SEPTIN11: variants seen among roughly 807,000 people sequenced by gnomAD.
SEPTIN11 encodes the protein septin-11.
SEPTIN11 carries 25 observed loss-of-function variants against 51.4 expected under a neutral mutation model. The observed-to-expected ratio is 0.49, with a 90% CI of 0.35 to 0.68. SEPTIN11 has a LOEUF of 0.68. Among genes scored for constraint, SEPTIN11 ranks in the 30% least tolerant of loss-of-function variants. The probability of loss-of-function intolerance (pLI) is 0.00; values close to 1 mark genes in which losing one functional copy is unlikely to be tolerated. For missense variants in SEPTIN11, 381 were observed against 520.8 expected (o/e 0.73, Z 2.61); for synonymous variants, 174 against 184.1 (o/e 0.95, Z 0.44).
intron 1 of SEPTIN11, chr4:76,958,894 A>T: frequency 6.7e-7 from 1 of 1,490,838 alleles, no homozygotes; most frequent in Non-Finnish European, 9.3e-7. Flanking sequence ...GCTTTTCCTT[A>T]TTGGCCCCAG....
chr4:77,031,803 G>A (rs1578211572), intron 9 of SEPTIN11: 1 of 152,174 alleles, frequency 6.6e-6, no homozygotes, highest in East Asian at 1.9e-4. Context: ...GTGTCTCAAT[G>A]ACAAATATGC....
intron 1 of SEPTIN11, among the ~76,000 whole-genome samples, chr4:76,981,006 TA>T (rs1396885479): frequency 6.6e-6 from 1 of 152,246 alleles, no homozygotes; most frequent in African/African-American, 2.4e-5. Context: ...CCCATACTCT[TA>T]ATCTATCAAT....
Position 76,949,856 on chromosome 4 carries a change from G to T in SEPTIN11, c.-48G>T. On this transcript the variant is annotated 5_prime_UTR_variant, in exon 1 of 10. Transcript: ENST00000264893. The stretch of plus-strand genomic sequence containing the variant: ...AGCCCGAGCACTAGCAGCAGCCGGA[G>T]TCGGCGTAAAGCACCCGGGCGCAGC... The T allele has an allele frequency of 6.6e-7, 1 of 1,508,878 alleles. No individual in the cohort carries two copies. 93.5% of individuals were successfully genotyped at this position (1,508,878 alleles called of 1,614,324 possible).
rs1055560582 is a variant in SEPTIN11 at position 77,004,760 on chromosome 4, C to T, written c.143-841C>T. ...GGTGGACTATTTGAGGTCAGGAGTT[C>T]AAGACCAGCTCAGCCAACATGGTGA... On this transcript the variant is annotated intron_variant, in intron 2 of 9. Transcript: ENST00000264893. 3.3e-5 allele frequency among the ~76,000 whole-genome samples: 5 copies of T among 152,038 alleles called. 1 individual carries two copies. The highest frequency in any genetic ancestry group is 1.2e-4 in the African/African-American group (5 of 41,382).
intron 8 of SEPTIN11, among the ~76,000 whole-genome samples, chr4:77,029,263 C>T (rs912184295): frequency 6.6e-6 from 1 of 152,138 alleles, no homozygotes; most frequent in African/African-American, 2.4e-5. Flanking sequence ...TTAGTCCCCT[C>T]CCCTGGCCAG....
intron 1 of SEPTIN11, 102 bp from the exon 2 acceptor site, chr4:76,996,323 G>T: frequency 5.7e-6 from 5 of 879,196 alleles, no homozygotes; most frequent in Admixed American, 4.2e-5. Context: ...CTTTTTCCAT[G>T]TATGTCAAGG....
chr4:77,013,837 C>T (rs934336247), intron 4 of SEPTIN11, among the ~76,000 whole-genome samples: 5 of 152,284 alleles, frequency 3.3e-5, no homozygotes, highest in East Asian at 3.9e-4. Context: ...GCTTCCTTAC[C>T]GAGTCTGTTT....
At chr4:76,996,577 C>G (rs1723733387) in intron 2 of SEPTIN11, 38 bp downstream of exon 2, 2 of 1,382,650 alleles carry the variant, frequency 1.4e-6, no homozygotes, top group Non-Finnish European at 2.1e-6. Context: ...AAATTTGATC[C>G]TTAGATATTG....
Position 76,984,806 on chromosome 4 carries a change from G to A in SEPTIN11, c.28-11619G>A, listed in dbSNP as rs956941464. ...GACGTGATATGTCTTAAATGGAACT[G>A]GGTTGTTTGGGACCCACTGGACAGC... On this transcript the variant is annotated intron_variant, in intron 1 of 9. Transcript: ENST00000264893. This position sits in a 1 kb window ranked among gnomAD's most constrained non-coding sequence, Gnocchi z 4.1. 2.6e-5 allele frequency among the ~76,000 whole-genome samples: 4 copies of A among 152,288 alleles called. No homozygotes were observed. In the East Asian group the frequency reaches 7.7e-4, roughly 29 times the overall value.
intron 7 of SEPTIN11, chr4:77,021,007 C>T: frequency 4.6e-6 from 1 of 217,162 alleles, no homozygotes; most frequent in South Asian, 1.1e-4. Flanking sequence ...TGCCAGTTCT[C>T]TTGCAGAGGT....
chr4:76,953,223 G>A (rs1301868865), intron 1 of SEPTIN11, among the ~76,000 whole-genome samples: 2 of 152,176 alleles, frequency 1.3e-5, no homozygotes, highest in African/African-American at 2.4e-5. Context: ...CCTGCTATGT[G>A]TCAGGAACTT....
intron 3 of SEPTIN11, among the ~76,000 whole-genome samples, chr4:77,010,179 A>T (rs1354175112): frequency 6.6e-6 from 1 of 151,982 alleles, no homozygotes; most frequent in African/African-American, 2.4e-5. Flanking sequence ...TTTGTCTCTG[A>T]TTTACCTGTG....
intron 7 of SEPTIN11, among the ~76,000 whole-genome samples, chr4:77,025,755 T>C (rs1726085160): frequency 6.6e-6 from 1 of 152,162 alleles, no homozygotes; most frequent in Non-Finnish European, 1.5e-5. Context: ...TATGATTCCT[T>C]GGGGTAAGGT....
At chr4:77,016,869 T>A (rs1190186287) in intron 5 of SEPTIN11, among the ~76,000 whole-genome samples, 3 of 151,728 alleles carry the variant, frequency 2.0e-5, no homozygotes, top group Non-Finnish European at 4.4e-5. Flanking sequence ...TTAGATATTA[T>A]AAGTAATTTA....
At chr4:76,956,993 T>TGTGTGTGTGTGTGTGTGA (rs769320568) in intron 1 of SEPTIN11, among the ~76,000 whole-genome samples, 78 of 98,568 alleles carry the variant, frequency 7.9e-4, no homozygotes, top group African/African-American at 2.3e-3. Flanking sequence ...TGTGTGTGTG[T>TGTGTGTGTGTGTGTGTGA]GAGAGAGAGA....
At chr4:77,012,737 G>C (rs2109957534) in intron 4 of SEPTIN11, among the ~76,000 whole-genome samples, 1 of 152,292 alleles carries the variant, frequency 6.6e-6, no homozygotes, top group African/African-American at 2.4e-5. Flanking sequence ...AACAGTGAGA[G>C]AATGCTCAGA....
At chr4:76,955,671 G>A (rs546535369) in intron 1 of SEPTIN11, among the ~76,000 whole-genome samples, 2 of 152,276 alleles carry the variant, frequency 1.3e-5, no homozygotes, top group South Asian at 4.1e-4. Context: ...AATTCTTCAG[G>A]ATTCAATAGG....
At chr4:76,967,588 A>T (rs750912464) in intron 1 of SEPTIN11, among the ~76,000 whole-genome samples, 15 of 152,366 alleles carry the variant, frequency 9.8e-5, no homozygotes, top group Admixed American at 3.9e-4. Context: ...TGAAATTTCC[A>T]CATCTGACAA....
rs1204946414 is a variant in SEPTIN11, at chr4:77,030,898, C to T, written c.1202C>T (p.Ala401Val). ...EVNNFQKKKA[A>V]AQLLQSQAQQ... ...AACAACTTCCAGAAGAAGAAAGCAG[C>T]GGCTCAGTTACTACAGTCCCAGGCC... The change falls in exon 9 of 10, where the codon GCG (alanine) becomes GTG (valine). Residue 401 changes from alanine (A) to valine (V), a missense_variant. Ala to Val is a moderately conservative substitution (Grantham distance 64). Transcript: ENST00000264893. The T allele has an allele frequency of 2.0e-5, 33 of 1,613,388 alleles. No individual in the cohort carries two copies. The highest frequency in any genetic ancestry group is 2.7e-5 in the African/African-American group (2 of 74,782).
Sources: gnomAD v4.1 joint callset for allele counts (sites outside exome capture counted in the v4.1 genomes callset) on GRCh38, gnomAD v4.1.1 for gene constraint, Gnocchi (gnomAD v3.1) non-coding constraint, MANE v1.5 for transcripts, NCBI Gene and HGNC (gene_info 2026-07-23, HGNC 2026-07-21) for gene names.